Variants in MSI2 observed in about 807,000 individuals in gnomAD.
MSI2 encodes musashi RNA binding protein 2, also known as RNA-binding protein Musashi homolog 2.
MSI2 carries 17 observed loss-of-function variants against 45.6 expected under a neutral mutation model. The ratio of observed to expected loss-of-function variants is 0.37; its 90% CI spans 0.26 to 0.56. The LOEUF (loss-of-function observed/expected upper bound fraction) is 0.56. Among genes scored for constraint, MSI2 ranks in the 20% least tolerant of loss-of-function variants. MSI2 has a pLI of 0.77. For missense variants in MSI2, 293 were observed against 444.2 expected (o/e 0.66, Z 3.06); for synonymous variants, 156 against 158.2 (o/e 0.99, Z 0.11).
chr17:57,585,535 C>A (rs2088322183), intron 7 of MSI2, among the ~76,000 whole-genome samples: 2 of 152,334 alleles, frequency 1.3e-5, no homozygotes, highest in East Asian at 3.9e-4. Flanking sequence ...TACCCAGCTC[C>A]AAAGTCTAAG....
chr17:57,379,692 G>A (rs886814207), intron 5 of MSI2, among the ~76,000 whole-genome samples: 23 of 152,142 alleles, frequency 1.5e-4, no homozygotes, highest in Non-Finnish European at 1.6e-4. Context: ...GCGATAAGGG[G>A]CCTGCTGGAT....
intron 5 of MSI2, among the ~76,000 whole-genome samples, chr17:57,365,957 G>T (rs1198051349): frequency 1.3e-5 from 2 of 152,092 alleles, no homozygotes; most frequent in African/African-American, 4.8e-5. Flanking sequence ...CTGTCACCCA[G>T]GCTGGATGCA....
chr17:57,675,219 G>A (rs1913141712), intron 12 of MSI2, 93 bp downstream of exon 12: 4 of 1,286,438 alleles, frequency 3.1e-6, no homozygotes, highest in East Asian at 4.7e-5. Flanking sequence ...AACATCGGGG[G>A]CAGAGGAGAG....
In MSI2 at chr17:57,599,466, G is replaced by C. The variant is rs190624654; in HGVS notation, c.537+2516G>C. ...CTGCCCCAGAAGAAGAACCCATGGG[G>C]CTGGCTTGAAGCCAGAGAGATTTGC... is the stretch of plus-strand genomic sequence containing the variant. On this transcript the variant is annotated intron_variant, in intron 8 of 13. Transcript: ENST00000284073. Among the ~76,000 whole-genome samples the C allele has an allele frequency of 2.6e-5, 4 of 152,328 alleles. No homozygotes were observed. The East Asian group carries it at 7.7e-4, about 29-fold the overall frequency.
At chr17:57,668,604 C>G (rs950156774) in intron 11 of MSI2, among the ~76,000 whole-genome samples, 5 of 91,650 alleles carry the variant, frequency 5.5e-5, no homozygotes, top group African/African-American at 3.4e-4. Context: ...CCTGTCAGCC[C>G]AGTGCATGCA....
chr17:57,393,438 T>C (rs2083831506), intron 5 of MSI2, among the ~76,000 whole-genome samples: 1 of 152,246 alleles, frequency 6.6e-6, no homozygotes. Flanking sequence ...TTCATCCATG[T>C]TGCAGCATGT....
intron 11 of MSI2, among the ~76,000 whole-genome samples, chr17:57,655,113 G>A (rs1045638142): frequency 6.6e-6 from 1 of 151,846 alleles, no homozygotes; most frequent in Non-Finnish European, 1.5e-5. Flanking sequence ...CAACTCCTCT[G>A]GGCCAGCCTG....
intron 6 of MSI2, among the ~76,000 whole-genome samples, chr17:57,415,714 C>G (rs1231364661): frequency 6.6e-6 from 1 of 152,046 alleles, no homozygotes; most frequent in Non-Finnish European, 1.5e-5. Flanking sequence ...GGTTCACTCC[C>G]TCTGATAAAC....
At chr17:57,360,196 G>A (rs1916723924) in intron 5 of MSI2, among the ~76,000 whole-genome samples, 1 of 152,244 alleles carries the variant, frequency 6.6e-6, no homozygotes, top group South Asian at 2.1e-4. Flanking sequence ...TTAGACTGCA[G>A]TTTTAGGACT....
At chr17:57,484,059 C>T (rs1475983598) in intron 6 of MSI2, among the ~76,000 whole-genome samples, 1 of 152,214 alleles carries the variant, frequency 6.6e-6, no homozygotes, top group Non-Finnish European at 1.5e-5. Context: ...GTCTCTCATA[C>T]TGGGTGGCAG....
chr17:57,467,554 AGATGGGTG>A (rs2085350970), intron 6 of MSI2, among the ~76,000 whole-genome samples: 2 of 152,156 alleles, frequency 1.3e-5, no homozygotes, highest in Non-Finnish European at 2.9e-5. Context: ...AAAGATGGCT[AGATGGGTG>A]GATGGATGGA....
At position 57,375,696 on chromosome 17, in the gene MSI2, C is replaced by T. The variant is rs1430461084; in HGVS notation, c.313-25683C>T. Among the ~76,000 whole-genome samples the T allele has an allele frequency of 2.6e-5, 4 of 152,170 alleles. 1 individual carries two copies. Among genetic ancestry groups the T allele is most frequent in the Non-Finnish European group, 5.9e-5 (4 of 68,024 alleles). On this transcript the variant is annotated intron_variant, in intron 5 of 13. Coordinates refer to ENST00000284073, the MANE Select transcript of MSI2 (RefSeq NM_138962.4). ...GGCCTGCCCAGCAAGAATGGAGGCA[C>T]AGAGGCCACTCTGAGTGAACATATT...
intron 5 of MSI2, among the ~76,000 whole-genome samples, chr17:57,371,152 C>T (rs962280215): frequency 6.6e-6 from 1 of 151,990 alleles, no homozygotes; most frequent in Non-Finnish European, 1.5e-5. Flanking sequence ...CTCAAATGCT[C>T]GTGACTCAAA....
Position 57,401,479 on chromosome 17 carries a change from C to T in MSI2, c.405+8C>T. 1 of 1,612,424 alleles carries T rather than the reference C, an allele frequency of 6.2e-7. No homozygotes were observed. The highest frequency in any genetic ancestry group is 8.5e-7 in the Non-Finnish European group (1 of 1,178,426). On this transcript the variant is annotated splice_region_variant and intron_variant, in intron 6 of 13. Transcript: ENST00000284073. ...TTCGAGCAGTTTGGCAAGGTAAGCGCTGGATGGGGTTGGATGGCACATGCC... is the reference window on the plus strand; with the variant it reads ...TTCGAGCAGTTTGGCAAGGTAAGCGTTGGATGGGGTTGGATGGCACATGCC...
intron 6 of MSI2, among the ~76,000 whole-genome samples, chr17:57,442,176 A>G: frequency 6.6e-6 from 1 of 151,926 alleles, no homozygotes; most frequent in Non-Finnish European, 1.5e-5. Flanking sequence ...AGCTGGGACT[A>G]CAGGCGCGTG....
chr17:57,701,191 T>C, the MSI2 span, among the ~76,000 whole-genome samples: 1 of 152,182 alleles, frequency 6.6e-6, no homozygotes, highest in Non-Finnish European at 1.5e-5. Flanking sequence ...CAGGTGTACG[T>C]GCACATGAAG....
intron 7 of MSI2, among the ~76,000 whole-genome samples, chr17:57,557,842 G>A (rs1230304607): frequency 1.3e-5 from 2 of 152,178 alleles, no homozygotes; most frequent in Non-Finnish European, 2.9e-5. Flanking sequence ...TTTCTTGGGC[G>A]CTGAATATTT....
At chr17:57,292,226 G>A (rs529995462) in intron 5 of MSI2, among the ~76,000 whole-genome samples, 1 of 152,266 alleles carries the variant, frequency 6.6e-6, no homozygotes, top group Non-Finnish European at 1.5e-5. Context: ...AGCAGGAAAA[G>A]TTCTGCATTC....
At chr17:57,574,093 C>T (rs2087949960) in intron 7 of MSI2, among the ~76,000 whole-genome samples, 1 of 152,100 alleles carries the variant, frequency 6.6e-6, no homozygotes, top group South Asian at 2.1e-4. Flanking sequence ...ATTTGTCAGT[C>T]CCAGGTTGGG....
Sources: gnomAD v4.1 joint callset for allele counts (sites outside exome capture counted in the v4.1 genomes callset) on GRCh38, gnomAD v4.1.1 for gene constraint, MANE v1.5 for transcripts, NCBI Gene and HGNC (gene_info 2026-07-23, HGNC 2026-07-21) for gene names.